DOK6: variants seen among roughly 807,000 people sequenced by gnomAD.
The protein encoded by DOK6 is docking protein 6, also known as downstream of tyrosine kinase 6.
DOK6 carries 22 observed loss-of-function variants against 44.0 expected under a neutral mutation model. The ratio of observed to expected loss-of-function variants is 0.50; its 90% CI spans 0.36 to 0.71. The LOEUF (loss-of-function observed/expected upper bound fraction) is 0.71. Ranked by LOEUF, DOK6 falls within the 30% of genes least tolerant of loss-of-function variation. The pLI is 0.00. For missense variants in DOK6, 340 were observed against 416.4 expected, an observed-to-expected ratio of 0.82 and a Z score of 1.60; for synonymous variants, 166 against 145.5, an observed-to-expected ratio of 1.14 and a Z score of -1.01.
chr18:69,487,979 T>TA (rs1980630654), intron 1 of DOK6, among the ~76,000 whole-genome samples: 1 of 152,158 alleles, frequency 6.6e-6, no homozygotes, highest in East Asian at 1.9e-4. Flanking sequence ...AGAACCATGG[T>TA]AAAATGCCAT....
At chr18:69,603,770 CAAAAAAAA>C (rs55654660) in intron 3 of DOK6, among the ~76,000 whole-genome samples, 18 of 74,350 alleles carry the variant, frequency 2.4e-4, no homozygotes, top group Admixed American at 1.3e-3. Flanking sequence ...GACTCCGTCT[CAAAAAAAA>C]AAAAAAAAAA....
chr18:69,552,533 T>C (rs1476386049), intron 1 of DOK6, among the ~76,000 whole-genome samples: 1 of 152,198 alleles, frequency 6.6e-6, no homozygotes, highest in East Asian at 1.9e-4. Flanking sequence ...ATTATACATG[T>C]GTATTTATTG....
chr18:69,634,577 A>T (rs1221078472), intron 3 of DOK6, among the ~76,000 whole-genome samples: 1 of 152,162 alleles, frequency 6.6e-6, no homozygotes, highest in Non-Finnish European at 1.5e-5. Flanking sequence ...GTGTAAGGAG[A>T]GGAGGAAATT....
At chr18:69,508,653 G>A (rs1218226824) in intron 1 of DOK6, among the ~76,000 whole-genome samples, 1 of 152,138 alleles carries the variant, frequency 6.6e-6, no homozygotes, top group Non-Finnish European at 1.5e-5. Flanking sequence ...TAAAGACAGG[G>A]TTATTAAAAT....
chr18:69,589,253 ATTTTC>A (rs1983572746), intron 2 of DOK6, among the ~76,000 whole-genome samples: 1 of 152,088 alleles, frequency 6.6e-6, no homozygotes, highest in Non-Finnish European at 1.5e-5. Context: ...TAAAATTTTC[ATTTTC>A]TTTTCTTAGT....
chr18:69,492,508 T>G (rs890398564), intron 1 of DOK6, among the ~76,000 whole-genome samples: 1 of 152,162 alleles, frequency 6.6e-6, no homozygotes, highest in Non-Finnish European at 1.5e-5. Flanking sequence ...GGGAGTTTGA[T>G]GTACAGATTA....
chr18:69,674,501 C>G (rs570742263), intron 3 of DOK6, among the ~76,000 whole-genome samples: 1 of 152,264 alleles, frequency 6.6e-6, no homozygotes, highest in South Asian at 2.1e-4. Context: ...GCATCTCCCT[C>G]ACTCCTCCCA....
In DOK6 at chr18:69,739,098, GCC is replaced by G; in HGVS notation, c.735_736del (p.Arg246AlafsTer7). The G allele has an allele frequency of 6.2e-7, 1 of 1,613,900 alleles. No homozygotes were observed. The highest frequency in any genetic ancestry group is 8.5e-7 in the Non-Finnish European group (1 of 1,179,850). On this transcript the variant is annotated frameshift_variant, in exon 6 of 8. Transcript: ENST00000382713. LOFTEE classifies it high-confidence loss of function. ...ATTAATGCTAGAAATGGAACAGAAG[GCC>G]CGGGTAAGGCCCCTTCCTTGGTAAC... is the stretch of plus-strand genomic sequence containing the variant. Reference protein sequence around the residue: ...ERLMLEMEQKARLQTSLTEPM... With the variant: ...ERLMLEMEQKXRLQTSLTEPM...
At chr18:69,727,994 G>T (rs554028514) in intron 5 of DOK6, among the ~76,000 whole-genome samples, 15 of 152,288 alleles carry the variant, frequency 9.8e-5, no homozygotes, top group African/African-American at 3.4e-4. Flanking sequence ...AGCCTCGTCT[G>T]GTCTGGTCTG....
chr18:69,575,092 A>G (rs1243141110), intron 2 of DOK6, among the ~76,000 whole-genome samples: 1 of 152,058 alleles, frequency 6.6e-6, no homozygotes, highest in Non-Finnish European at 1.5e-5. Flanking sequence ...CTGCACAGGT[A>G]TTTCCTAAAT....
intron 3 of DOK6, among the ~76,000 whole-genome samples, chr18:69,639,043 T>C (rs1239967186): frequency 1.3e-5 from 2 of 152,184 alleles, no homozygotes; most frequent in Non-Finnish European, 2.9e-5. Flanking sequence ...AGCTGGTAAA[T>C]GGAATTGGGA....
chr18:69,740,785 G>A (rs1468516322), intron 6 of DOK6, among the ~76,000 whole-genome samples: 1 of 152,220 alleles, frequency 6.6e-6, no homozygotes, highest in East Asian at 1.9e-4. Context: ...CAAGCACATA[G>A]AAGTACCATG....
chr18:69,482,087 A>G (rs1323677954), intron 1 of DOK6, among the ~76,000 whole-genome samples: 1 of 151,870 alleles, frequency 6.6e-6, no homozygotes, highest in East Asian at 1.9e-4. Flanking sequence ...TTTTTCTTGT[A>G]AATTTGTTTG....
chr18:69,432,547 T>A (rs1978837255), intron 1 of DOK6, among the ~76,000 whole-genome samples: 1 of 152,226 alleles, frequency 6.6e-6, no homozygotes, highest in Non-Finnish European at 1.5e-5. Flanking sequence ...ATCTGATTGC[T>A]AACAACATAA....
At chr18:69,689,540 C>G (rs1986220600) in intron 4 of DOK6, among the ~76,000 whole-genome samples, 1 of 152,030 alleles carries the variant, frequency 6.6e-6, no homozygotes, top group Admixed American at 6.6e-5. Flanking sequence ...ATGACTCGCT[C>G]TATATGTATT....
At chr18:69,637,772 C>T (rs1984842797) in intron 3 of DOK6, among the ~76,000 whole-genome samples, 1 of 151,916 alleles carries the variant, frequency 6.6e-6, no homozygotes, top group Admixed American at 6.6e-5. Flanking sequence ...AGAGAGCTGC[C>T]TTCCAAAGCC....
chr18:69,676,299 G>A (rs1433676933), intron 3 of DOK6, among the ~76,000 whole-genome samples: 1 of 152,192 alleles, frequency 6.6e-6, no homozygotes, highest in Non-Finnish European at 1.5e-5. Context: ...GTATGTCATG[G>A]TCTTGAGAAA....
chr18:69,446,449 T>C (rs1405639654), intron 1 of DOK6, among the ~76,000 whole-genome samples: 1 of 152,038 alleles, frequency 6.6e-6, no homozygotes, highest in Non-Finnish European at 1.5e-5. Context: ...CTTAATCCAG[T>C]CTATCATTTT....
chr18:69,653,189 T>A (rs1985275230), intron 3 of DOK6, among the ~76,000 whole-genome samples: 1 of 152,054 alleles, frequency 6.6e-6, no homozygotes, highest in Non-Finnish European at 1.5e-5. Flanking sequence ...TAAGACCATC[T>A]ATACCTTGAA....
Sources: gnomAD v4.1 joint callset for allele counts (sites outside exome capture counted in the v4.1 genomes callset) on GRCh38, gnomAD v4.1.1 for gene constraint, MANE v1.5 for transcripts, NCBI Gene and HGNC (gene_info 2026-07-23, HGNC 2026-07-21) for gene names.